Variants in CDC42BPB observed in about 807,000 individuals in gnomAD.
CDC42BPB encodes serine/threonine-protein kinase MRCK beta.
In CDC42BPB, 37 loss-of-function variants were observed where a neutral mutation model predicts 214.9. That is an observed-to-expected ratio of 0.17 (90% CI 0.13 to 0.23). The LOEUF is 0.23. CDC42BPB is among the 10% of genes least tolerant of loss of function. The pLI is 1.00. For missense variants in CDC42BPB, 1,694 were observed against 2,227.0 expected (o/e 0.76, Z 4.82); for synonymous variants, 931 against 884.0 (o/e 1.05, Z -0.94).
At chr14:102,941,482 CA>C (rs1260945060) in intron 30 of CDC42BPB, 1 of 985,338 alleles carries the variant, frequency 1.0e-6, no homozygotes. Context: ...TCAGAAGGAG[CA>C]TTTCAGATGC....
At position 103,052,210 on chromosome 14, in the gene CDC42BPB, G is replaced by A. The variant is rs144017317; in HGVS notation, c.175+4789C>T. ...AGCTGTCCTATCTCATGCTATTATA[G>A]TCAGTATCAAACAGCTACCATAGAA... On this transcript the variant is annotated intron_variant, in intron 1 of 36. Coordinates refer to ENST00000361246, the MANE Select transcript of CDC42BPB (RefSeq NM_006035.4). 6.6e-5 allele frequency among the ~76,000 whole-genome samples: 10 copies of A among 152,260 alleles called. No homozygotes were observed. In the East Asian group the frequency reaches 1.9e-3, roughly 29 times the overall value.
chr14:103,027,659 G>C (rs1424956884), intron 1 of CDC42BPB, among the ~76,000 whole-genome samples: 1 of 152,154 alleles, frequency 6.6e-6, no homozygotes, highest in African/African-American at 2.4e-5. Context: ...AAAATGTCCA[G>C]AATAGGCAAA....
chr14:103,039,072 C>T (rs1887835801), intron 1 of CDC42BPB, among the ~76,000 whole-genome samples: 1 of 151,968 alleles, frequency 6.6e-6, no homozygotes, highest in Non-Finnish European at 1.5e-5. Context: ...CCAAAATTGA[C>T]TCTTGAAGAA....
intron 1 of CDC42BPB, among the ~76,000 whole-genome samples, chr14:103,036,300 C>G (rs2139726690): frequency 6.6e-6 from 1 of 151,894 alleles, no homozygotes; most frequent in African/African-American, 2.4e-5. Context: ...CTACAGGCAC[C>G]CGCCACCACG....
chr14:102,994,185 T>C (rs1894621099), intron 5 of CDC42BPB, among the ~76,000 whole-genome samples: 1 of 152,064 alleles, frequency 6.6e-6, no homozygotes, highest in South Asian at 2.1e-4. Flanking sequence ...AGGAATTCCC[T>C]ATAAAACAGG....
chr14:103,018,328 T>C (rs1183223513), intron 1 of CDC42BPB, among the ~76,000 whole-genome samples: 1 of 152,216 alleles, frequency 6.6e-6, no homozygotes, highest in Non-Finnish European at 1.5e-5. Flanking sequence ...TCTTCTGTTA[T>C]TTGCAACTTT....
intron 34 of CDC42BPB, among the ~76,000 whole-genome samples, chr14:102,939,354 C>G (rs75399242): frequency 6.6e-6 from 1 of 152,374 alleles, no homozygotes; most frequent in South Asian, 2.1e-4. Context: ...CAGGCCGAAA[C>G]GTGGTGGACT....
chr14:102,945,521 G>A (rs1042147484), intron 29 of CDC42BPB, 141 bp downstream of exon 29: 9 of 682,422 alleles, frequency 1.3e-5, no homozygotes, highest in South Asian at 8.7e-5. Context: ...ACTCGATGCC[G>A]GTCTTCACGG....
At position 103,055,833 on chromosome 14, in the gene CDC42BPB, C is replaced by T. The variant is rs180851942; in HGVS notation, c.175+1166G>A. Among the ~76,000 whole-genome samples, 59 of 152,318 alleles carry T rather than the reference C, an allele frequency of 3.9e-4. 1 individual carries two copies. The East Asian group carries it at 9.8e-3, about 25-fold the overall frequency. On this transcript the variant is annotated intron_variant, in intron 1 of 36. Coordinates refer to ENST00000361246, the MANE Select transcript of CDC42BPB (RefSeq NM_006035.4). ...CACTGTGGAACACTTTCATTTGTTT[C>T]TTCGTATAAATATCAGCTTTATCAG...
chr14:102,946,417 C>G, intron 28 of CDC42BPB, 51 bp downstream of exon 28: 1 of 1,600,870 alleles, frequency 6.2e-7, no homozygotes, highest in Non-Finnish European at 8.5e-7. Flanking sequence ...GCAGCGCCGC[C>G]GGAAGTGCTG....
chr14:103,054,999 G>C (rs1446307294), intron 1 of CDC42BPB, among the ~76,000 whole-genome samples: 1 of 152,278 alleles, frequency 6.6e-6, no homozygotes, highest in Non-Finnish European at 1.5e-5. Flanking sequence ...CCAGAGGCCA[G>C]TGGGACCACA....
chr14:103,052,370 T>C (rs530267598), intron 1 of CDC42BPB, among the ~76,000 whole-genome samples: 2 of 152,372 alleles, frequency 1.3e-5, no homozygotes, highest in Non-Finnish European at 2.9e-5. Context: ...TATGCAAATA[T>C]TCTATCCAGA....
At chr14:103,026,304 T>C (rs1157768904) in intron 1 of CDC42BPB, among the ~76,000 whole-genome samples, 2 of 151,776 alleles carry the variant, frequency 1.3e-5, no homozygotes, top group African/African-American at 4.8e-5. Flanking sequence ...GGCAGGAGAA[T>C]CGCGTGAACC....
intron 1 of CDC42BPB, among the ~76,000 whole-genome samples, chr14:103,040,678 G>T (rs957712902): frequency 2.0e-5 from 3 of 152,032 alleles, no homozygotes; most frequent in African/African-American, 7.2e-5. Flanking sequence ...GGCTGGTCTT[G>T]AACTCCTAAC....
intron 1 of CDC42BPB, among the ~76,000 whole-genome samples, chr14:103,053,619 A>G (rs1190221): frequency 0.5 from 74,803 of 150,640 alleles, 19,066 homozygotes; most frequent in Admixed American, 0.59. Context: ...AAAATTAGCC[A>G]GGCGTGATGG....
chr14:103,032,989 A>G (rs1262414962), intron 1 of CDC42BPB, among the ~76,000 whole-genome samples: 1 of 151,974 alleles, frequency 6.6e-6, no homozygotes, highest in Non-Finnish European at 1.5e-5. Context: ...TTGAGAAATT[A>G]CTGTTATTTT....
At chr14:103,032,202 T>G (rs1438396020) in intron 1 of CDC42BPB, among the ~76,000 whole-genome samples, 2 of 152,022 alleles carry the variant, frequency 1.3e-5, no homozygotes, top group African/African-American at 2.4e-5. Context: ...CAACCTCTCA[T>G]GCCCACCCAC....
chr14:103,050,485 G>A (rs1333761896), intron 1 of CDC42BPB, among the ~76,000 whole-genome samples: 2 of 152,232 alleles, frequency 1.3e-5, no homozygotes, highest in Non-Finnish European at 2.9e-5. Context: ...ACATAGCGGA[G>A]CGCAGTGGCT....
chr14:103,000,590 G>A (rs1297071143), intron 4 of CDC42BPB, among the ~76,000 whole-genome samples: 1 of 152,252 alleles, frequency 6.6e-6, no homozygotes, highest in Non-Finnish European at 1.5e-5. Flanking sequence ...AACCTCACAG[G>A]AGCCGCCTTC....
Sources: allele counts gnomAD v4.1 joint callset (sites outside exome capture counted in the v4.1 genomes callset), GRCh38; gene constraint gnomAD v4.1.1; transcripts MANE v1.5; gene names NCBI Gene and HGNC (gene_info 2026-07-23, HGNC 2026-07-21).